NLGN1: variants seen among roughly 807,000 people sequenced by gnomAD.
NLGN1 encodes the protein neuroligin 1, also known as neuroligin-1.
A neutral mutation model predicts 65.5 loss-of-function variants in NLGN1; 12 were observed. That is an observed-to-expected ratio of 0.18 (90% CI 0.12 to 0.30). The LOEUF (loss-of-function observed/expected upper bound fraction) is 0.30. Ranked by LOEUF, NLGN1 falls within the 10% of genes least tolerant of loss-of-function variation. The pLI is 1.00. For synonymous variants in NLGN1, 350 were observed against 359.5 expected, an observed-to-expected ratio of 0.97 and a Z score of 0.30; for missense variants, 750 against 1,007.1, an observed-to-expected ratio of 0.74 and a Z score of 3.46.
chr3:173,686,950 C>T (rs1199153819), intron 3 of NLGN1, among the ~76,000 whole-genome samples: 1 of 151,348 alleles, frequency 6.6e-6, no homozygotes, highest in African/African-American at 2.4e-5. Flanking sequence ...AAGACTCCGT[C>T]CCAAAGACAA....
At chr3:173,549,856 G>A (rs543741911) in intron 2 of NLGN1, among the ~76,000 whole-genome samples, 81 of 152,108 alleles carry the variant, frequency 5.3e-4, no homozygotes, top group African/African-American at 1.8e-3. Flanking sequence ...ACTCTATTAT[G>A]GAAGTCAGTC....
intron 4 of NLGN1, among the ~76,000 whole-genome samples, chr3:174,077,003 A>G (rs567175420): frequency 7.9e-5 from 12 of 152,296 alleles, no homozygotes; most frequent in African/African-American, 2.6e-4. Context: ...CTTGTGAACA[A>G]TTAACATACA....
At chr3:173,617,076 A>G (rs1452211339) in intron 3 of NLGN1, among the ~76,000 whole-genome samples, 8 of 152,050 alleles carry the variant, frequency 5.3e-5, no homozygotes, top group African/African-American at 1.4e-4. Flanking sequence ...ACCCTTGCAC[A>G]TGCTGATCCT....
At chr3:174,124,091 T>C (rs1433712986) in intron 4 of NLGN1, among the ~76,000 whole-genome samples, 1 of 152,088 alleles carries the variant, frequency 6.6e-6, no homozygotes, top group African/African-American at 2.4e-5. Flanking sequence ...AGAGATCCCT[T>C]TCTGTGAGAA....
intron 4 of NLGN1, among the ~76,000 whole-genome samples, chr3:173,884,984 G>C (rs1279258946): frequency 6.6e-6 from 1 of 152,024 alleles, no homozygotes; most frequent in Non-Finnish European, 1.5e-5. Context: ...ATAGGTTGCT[G>C]ATCTCATACA....
intron 3 of NLGN1, among the ~76,000 whole-genome samples, chr3:173,757,441 G>A (rs1174116393): frequency 3.3e-5 from 5 of 151,868 alleles, no homozygotes; most frequent in Admixed American, 1.3e-4. Flanking sequence ...AGGTGATGGT[G>A]GAGTAAATTA....
At position 174,221,451 on chromosome 3, in the gene NLGN1, C is replaced by T. The variant is rs145945531; in HGVS notation, c.647-53864C>T. 6.1e-3 allele frequency among the ~76,000 whole-genome samples: 923 copies of T among 152,208 alleles called. 9 individuals are homozygous for T. The highest frequency in any genetic ancestry group is 0.021 in the African/African-American group (863 of 41,528). ...TAGAGGCATCTGGAGACAACGACTA[C>T]AGCAAAGACTCCAAATAGGTCTTGG... On this transcript the variant is annotated intron_variant, in intron 4 of 6. Coordinates refer to ENST00000457714, the Ensembl canonical transcript of NLGN1.
At chr3:174,185,887 T>C (rs1332897182) in intron 4 of NLGN1, among the ~76,000 whole-genome samples, 1 of 152,090 alleles carries the variant, frequency 6.6e-6, no homozygotes, top group African/African-American at 2.4e-5. Context: ...CACTAACTTT[T>C]TCCACTATTT....
intron 2 of NLGN1, among the ~76,000 whole-genome samples, chr3:173,492,136 G>A (rs891359703): frequency 1.3e-5 from 2 of 151,780 alleles, no homozygotes; most frequent in Admixed American, 1.3e-4. Context: ...ACATAAAATG[G>A]TGAAATAATA....
chr3:174,207,532 G>A (rs1278215125), intron 4 of NLGN1, among the ~76,000 whole-genome samples: 1 of 152,216 alleles, frequency 6.6e-6, no homozygotes, highest in Admixed American at 6.5e-5. Flanking sequence ...CAAGCCAAAT[G>A]TGTGAACTGA....
intron 3 of NLGN1, among the ~76,000 whole-genome samples, chr3:173,673,650 A>G (rs529069716): frequency 1.7e-4 from 26 of 152,276 alleles, no homozygotes; most frequent in African/African-American, 5.3e-4. Context: ...GGGCATAGAG[A>G]AGATAAATAT....
intron 2 of NLGN1, among the ~76,000 whole-genome samples, chr3:173,574,274 G>A (rs1418824763): frequency 6.6e-6 from 1 of 151,624 alleles, no homozygotes; most frequent in Non-Finnish European, 1.5e-5. Context: ...ATTGAATGCT[G>A]TCAATAGAAA....
intron 4 of NLGN1, among the ~76,000 whole-genome samples, chr3:173,958,134 A>G (rs143460211): frequency 2.3e-3 from 346 of 152,228 alleles, no homozygotes; most frequent in African/African-American, 8.0e-3. Flanking sequence ...GGGATCCCCA[A>G]AGGGCTGTAG....
At chr3:173,828,704 G>T (rs777010255) in intron 4 of NLGN1, among the ~76,000 whole-genome samples, 1 of 152,078 alleles carries the variant, frequency 6.6e-6, no homozygotes, top group Admixed American at 6.6e-5. Context: ...GCCAGAGAAG[G>T]CTTTTGAGTA....
At chr3:174,073,687 C>T (rs2152538161) in intron 4 of NLGN1, among the ~76,000 whole-genome samples, 1 of 152,278 alleles carries the variant, frequency 6.6e-6, no homozygotes, top group Middle Eastern at 3.4e-3. Flanking sequence ...TCGTGCTAAT[C>T]AGAAGCTCAG....
At chr3:173,645,784 G>A (rs1758154361) in intron 3 of NLGN1, among the ~76,000 whole-genome samples, 1 of 152,194 alleles carries the variant, frequency 6.6e-6, no homozygotes. Context: ...TTCAGCCTTG[G>A]AAAGCTCTTT....
chr3:173,605,835 A>G (rs1245315967), intron 3 of NLGN1, among the ~76,000 whole-genome samples: 3 of 152,068 alleles, frequency 2.0e-5, no homozygotes, highest in African/African-American at 7.2e-5. Flanking sequence ...CAAGAGTTGA[A>G]TCTTGGCTTT....
chr3:173,942,433 A>T (rs1422920584), intron 4 of NLGN1, among the ~76,000 whole-genome samples: 3 of 152,158 alleles, frequency 2.0e-5, no homozygotes, highest in Non-Finnish European at 4.4e-5. Context: ...TAGCCATTAT[A>T]GGATGAAAAC....
intron 3 of NLGN1, among the ~76,000 whole-genome samples, chr3:173,783,514 C>T (rs1368066986): frequency 3.9e-5 from 6 of 152,142 alleles, no homozygotes; most frequent in Admixed American, 3.9e-4. Flanking sequence ...GTGCATAATC[C>T]AGAGTTATTG....
Sources: gnomAD v4.1 joint callset for allele counts (sites outside exome capture counted in the v4.1 genomes callset) on GRCh38, gnomAD v4.1.1 for gene constraint, MANE v1.5 for transcripts, NCBI Gene and HGNC (gene_info 2026-07-23, HGNC 2026-07-21) for gene names.